AQP3: variants seen among roughly 807,000 people sequenced by gnomAD.
AQP3 encodes aquaporin-3.
AQP3 carries 15 observed loss-of-function variants against 30.3 expected under a neutral mutation model. The ratio of observed to expected loss-of-function variants is 0.49; its 90% confidence interval spans 0.33 to 0.76. The LOEUF (loss-of-function observed/expected upper bound fraction) is 0.76, where lower values mean the gene tolerates loss of function less well. AQP3 is among the 30% of genes least tolerant of loss of function. The pLI is 0.02. For synonymous variants in AQP3, 153 were observed against 163.2 expected (o/e 0.94, Z 0.47); for missense variants, 272 against 384.8 (o/e 0.71, Z 2.45).
intron 1 of AQP3, among the ~76,000 whole-genome samples, chr9:33,445,910 T>C (rs1490227506): frequency 1.3e-5 from 2 of 152,180 alleles, no homozygotes; most frequent in Admixed American, 1.3e-4. Flanking sequence ...CTCACTGATA[T>C]CCAATACCTC....
In AQP3 at chr9:33,442,142, C is replaced by G; in HGVS notation, c.780G>C (p.Val260=). The part of the protein sequence containing the change: ...PLLGSIAGVF[V]YQLMIGCHLE... ...GGTGGCAGCCGATCATCAGCTGGTACACGAAGACACCCGCAATGGAGCCCA... is the reference window on the plus strand; with the variant it reads ...GGTGGCAGCCGATCATCAGCTGGTAGACGAAGACACCCGCAATGGAGCCCA... Residue 260 remains valine, a synonymous_variant, in exon 6 of 6, where the codon GTG becomes GTC. Coordinates refer to ENST00000297991, the MANE Select transcript of AQP3 (RefSeq NM_004925.5). The G allele has an allele frequency of 6.2e-7, 1 of 1,613,580 alleles. No homozygotes were observed. Among genetic ancestry groups the G allele is most frequent in the South Asian group, 1.1e-5 (1 of 91,086 alleles).
rs1826872676 is a variant in AQP3 at position 33,443,524 on chromosome 9, G to A, written c.236-66C>T. 3.2e-6 allele frequency: 5 copies of A among 1,573,616 alleles called. No individual in the cohort carries two copies. The East Asian group carries it at 1.2e-4, about 36-fold the overall frequency. On this transcript the variant is annotated intron_variant, in intron 2 of 5. Coordinates refer to ENST00000297991, the MANE Select transcript of AQP3 (RefSeq NM_004925.5). The surrounding 1 kb of genome is among the most constrained non-coding windows in gnomAD (Gnocchi z 5.0). The stretch of plus-strand genomic sequence containing the variant: ...CACAGTCGGCAGGCTAGGGTCCCCT[G>A]AGAAGGGGTGCAGAGAGGGGTTTCT...
Position 33,442,125 on chromosome 9 carries a change from CCGA to C in AQP3, c.794_796del (p.Ile265_Gly266delinsSer), listed in dbSNP as rs1383817907. The C allele has an allele frequency of 6.2e-7, 1 of 1,613,492 alleles. No homozygotes were observed. Among genetic ancestry groups the C allele is most frequent in the African/African-American group, 1.3e-5 (1 of 74,888 alleles). On this transcript the variant is annotated inframe_deletion, in exon 6 of 6. Transcript: ENST00000297991. ...GGGTGGGGGCTGCTCCAGGTGGCAG[CCGA>C]TCATCAGCTGGTACACGAAGACACC...
chr9:33,442,503 A>T lies in AQP3; in HGVS notation c.508T>A (p.Ser170Thr). ...ATGGCCAGCACACACACGATAAGGG[A>T]GGCTGTGCCTATGAACTGGGGAGTG... ...GFFDQFIGTA[S>T]LIVCVLAIVD... is the part of the protein sequence containing the mutation. Residue 170 changes from serine (S) to threonine (T), a missense_variant, in exon 5 of 6, where the codon TCC (serine) becomes ACC (threonine). By Grantham distance (58) the Ser-to-Thr change is moderately conservative. This residue lies in a region of AQP3 where 170 missense variants were observed against 286.4 expected (regional missense o/e 0.59). Transcript: ENST00000297991. 6.2e-7 allele frequency: 1 copy of T among 1,608,196 alleles called. No individual in the cohort carries two copies. The highest frequency in any genetic ancestry group is 1.3e-5 in the African/African-American group (1 of 75,010).
chr9:33,445,982 A>G (rs556281641), intron 1 of AQP3, among the ~76,000 whole-genome samples: 9 of 152,184 alleles, frequency 5.9e-5, no homozygotes, highest in Non-Finnish European at 1.2e-4. Flanking sequence ...GTGGTCTGGG[A>G]TAAGCCTGAT....
In AQP3 at chr9:33,442,130, CAT is replaced by C. The variant is rs1248364077; in HGVS notation, c.790_791del (p.Met264AspfsTer47). The C allele has an allele frequency of 6.2e-7, 1 of 1,613,510 alleles. No homozygotes were observed. The highest frequency in any genetic ancestry group is 1.3e-5 in the African/African-American group (1 of 74,920). On this transcript the variant is annotated frameshift_variant, in exon 6 of 6. Coordinates refer to ENST00000297991, the MANE Select transcript of AQP3 (RefSeq NM_004925.5). LOFTEE classifies it high-confidence loss of function. ...GGGGCTGCTCCAGGTGGCAGCCGAT[CAT>C]CAGCTGGTACACGAAGACACCCGCA... The part of the protein sequence containing the change: ...SIAGVFVYQL[M>X]IGCHLEQPPP...
Position 33,443,057 on chromosome 9 carries a change from G to T in AQP3, c.374-87C>A. 1 of 1,297,270 alleles carries T rather than the reference G, an allele frequency of 7.7e-7. No individual in the cohort carries two copies. Among genetic ancestry groups the T allele is most frequent in the Non-Finnish European group, 1.1e-6 (1 of 895,284 alleles). The allele number at this position is 1,297,270 out of a possible 1,614,324, so 80.4% of individuals were successfully genotyped here. A position where few individuals can be genotyped will look rare whatever the true frequency, so the allele number is the denominator to read the frequency against. ...AGGTGTGCCCTCCCCACCCTCCCAT[G>T]AGTTATGGGTAAGTAGCAATACTGC... On this transcript the variant is annotated intron_variant, in intron 3 of 5. Coordinates refer to ENST00000297991, the MANE Select transcript of AQP3 (RefSeq NM_004925.5). The surrounding 1 kb of genome is among the most constrained non-coding windows in gnomAD (Gnocchi z 5.0).
rs941195057 is a variant in AQP3, at chr9:33,442,476, C to G, written c.535G>C (p.Val179Leu). Residue 179 changes from valine to leucine, a missense_variant, in exon 5 of 6, where the codon GTT becomes CTT. Physicochemically the swap from Val to Leu is conservative, Grantham distance 32 (BLOSUM62 1). Transcript: ENST00000297991. ...GGGACGGGGTTGTTGTAGGGGTCAA[C>G]AATGGCCAGCACACACACGATAAGG... ...ASLIVCVLAIVDPYNNPVPRG... is the reference protein window; with the variant it reads ...ASLIVCVLAILDPYNNPVPRG... The G allele has an allele frequency of 6.2e-7, 1 of 1,611,070 alleles. No homozygotes were observed. Among genetic ancestry groups the G allele is most frequent in the Non-Finnish European group, 8.5e-7 (1 of 1,179,158 alleles).
In AQP3 at chr9:33,443,489, T is replaced by G. The variant is rs767205817; in HGVS notation, c.236-31A>C. On this transcript the variant is annotated intron_variant, in intron 2 of 5. Transcript: ENST00000297991. The surrounding 1 kb of genome is among the most constrained non-coding windows in gnomAD (Gnocchi z 5.0). ...CAGAGGGGACAAGGGACCTATTAGCTGCAGCCTGCCACAGTCGGCAGGCTA... is the reference window on the plus strand; with the variant it reads ...CAGAGGGGACAAGGGACCTATTAGCGGCAGCCTGCCACAGTCGGCAGGCTA... 2 of 1,606,942 alleles carry G rather than the reference T, an allele frequency of 1.2e-6. No homozygotes were observed. The highest frequency in any genetic ancestry group is 3.4e-5 in the Admixed American group (2 of 58,918).
chr9:33,442,456 G>T lies in AQP3; in HGVS notation c.555C>A (p.Pro185=). ...VLAIVDPYNN[P]VPRGLEAFTV... is the part of the protein sequence containing the mutation. ...TGAAGGCCTCCAGGCCTCGGGGGAC[G>T]GGGTTGTTGTAGGGGTCAACAATGG... The change falls in exon 5 of 6, where the codon CCC becomes CCA. Residue 185 remains proline (P), a synonymous_variant. Transcript: ENST00000297991. The T allele has an allele frequency of 6.2e-7, 1 of 1,611,738 alleles. No individual in the cohort carries two copies.
chr9:33,444,636 TGTG>T (rs1195406776), intron 1 of AQP3, among the ~76,000 whole-genome samples: 1 of 148,704 alleles, frequency 6.7e-6, no homozygotes, highest in Non-Finnish European at 1.5e-5. Context: ...GAAAAGCTCA[TGTG>T]GTGGTGGTAG....
rs766825741 is a variant in AQP3 at position 33,443,899 on chromosome 9, GGAA to G, written c.109-10_109-8del. On this transcript the variant is annotated splice_polypyrimidine_tract_variant and splice_region_variant and intron_variant, in intron 1 of 5. Coordinates refer to ENST00000297991, the MANE Select transcript of AQP3 (RefSeq NM_004925.5). This position sits in a 1 kb window ranked among gnomAD's most constrained non-coding sequence, Gnocchi z 5.0. ...CGGAGCCACAGCCAAACATCTGTCA[GGAA>G]GAAGAACAGGCAGGGAGGGTGAGGA... 1.4e-4 allele frequency: 231 copies of G among 1,613,082 alleles called. No homozygotes were observed. The highest frequency in any genetic ancestry group is 8.4e-4 in the Middle Eastern group (5 of 5,964).
Position 33,442,211 on chromosome 9 carries a change from C to T in AQP3, c.711G>A (p.Thr237=), listed in dbSNP as rs867207823. 2.5e-6 allele frequency: 4 copies of T among 1,612,324 alleles called. No individual in the cohort carries two copies. The highest frequency in any genetic ancestry group is 2.5e-6 in the Non-Finnish European group (3 of 1,179,548). ...ALAGWGSAVF[T]TGQHWWWVPI... ...GCACCCACCACCAATGCTGGCCGGT[C>T]CTGGGGGGACAGACACTCATAGTCA... Residue 237 remains threonine, a splice_region_variant and synonymous_variant, in exon 6 of 6, where the codon ACG becomes ACA. Coordinates refer to ENST00000297991, the MANE Select transcript of AQP3 (RefSeq NM_004925.5).
chr9:33,447,242 G>A (rs994697842), intron 1 of AQP3, among the ~76,000 whole-genome samples, 181 bp downstream of exon 1: 7 of 152,240 alleles, frequency 4.6e-5, no homozygotes, highest in African/African-American at 1.4e-4. Flanking sequence ...CAGAGAGGGG[G>A]TTAGAACCGT....
Position 33,443,720 on chromosome 9 carries a change from G to A in AQP3, c.235+46C>T. The A allele has an allele frequency of 6.2e-7, 1 of 1,612,934 alleles. No individual in the cohort carries two copies. The highest frequency in any genetic ancestry group is 2.2e-5 in the East Asian group (1 of 44,874). ...TTAGGAATGCCAGGACACCTAGTGG[G>A]AATGCTATTGAGGGCCAAGGGCTGG... On this transcript the variant is annotated intron_variant, in intron 2 of 5. Coordinates refer to ENST00000297991, the MANE Select transcript of AQP3 (RefSeq NM_004925.5). This position sits in a 1 kb window ranked among gnomAD's most constrained non-coding sequence, Gnocchi z 5.0.
At chr9:33,445,676 C>T (rs1305903199) in intron 1 of AQP3, among the ~76,000 whole-genome samples, 1 of 152,196 alleles carries the variant, frequency 6.6e-6, no homozygotes, top group African/African-American at 2.4e-5. Flanking sequence ...GCTAATCTTC[C>T]TCTTCCTCCC....
At chr9:33,446,455 A>C (rs1361804816) in intron 1 of AQP3, among the ~76,000 whole-genome samples, 1 of 152,122 alleles carries the variant, frequency 6.6e-6, no homozygotes, top group African/African-American at 2.4e-5. Context: ...GGAGTAACCC[A>C]CTCACTGCAA....
rs980934311 is a variant in AQP3 at position 33,442,495 on chromosome 9, G to A, written c.516C>T (p.Ile172=). The change falls in exon 5 of 6, where the codon ATC becomes ATT. Residue 172 remains isoleucine, a synonymous_variant. Transcript: ENST00000297991. ...GGTCAACAATGGCCAGCACACACAC[G>A]ATAAGGGAGGCTGTGCCTATGAACT... The part of the protein sequence containing the change: ...FDQFIGTASL[I]VCVLAIVDPY... 5 of 1,609,180 alleles carry A rather than the reference G, an allele frequency of 3.1e-6. No homozygotes were observed. In the South Asian group the frequency reaches 3.3e-5, roughly 11 times the overall value.
chr9:33,442,883 T>C lies in AQP3; in HGVS notation c.461A>G (p.His154Arg). The C allele has an allele frequency of 1.2e-6, 2 of 1,614,148 alleles. No individual in the cohort carries two copies. Among genetic ancestry groups the C allele is most frequent in the Non-Finnish European group, 1.7e-6 (2 of 1,180,024 alleles). Reference sequence around the variant, plus strand: ...AAAGAAGCCATTGATCATATCCAAGTGTCCAGAGGGGTAGGTAGCAAAGAT... The same window carrying C: ...AAAGAAGCCATTGATCATATCCAAGCGTCCAGAGGGGTAGGTAGCAAAGAT... Reference protein sequence around the residue: ...AGIFATYPSGHLDMINGFFDQ... With the variant: ...AGIFATYPSGRLDMINGFFDQ... Residue 154 changes from histidine to arginine, a missense_variant, in exon 4 of 6, where the codon CAC becomes CGC. Physicochemically the swap from His to Arg is conservative, Grantham distance 29. This residue lies in a region of AQP3 where 170 missense variants were observed against 286.4 expected (regional missense o/e 0.59). Coordinates refer to ENST00000297991, the MANE Select transcript of AQP3 (RefSeq NM_004925.5).
Sources: gnomAD v4.1 joint callset for allele counts (sites outside exome capture counted in the v4.1 genomes callset) on GRCh38, gnomAD v4.1.1 for gene constraint, gnomAD v4.1.1 regional missense constraint, Gnocchi (gnomAD v3.1) non-coding constraint, MANE v1.5 for transcripts, NCBI Gene and HGNC (gene_info 2026-07-23, HGNC 2026-07-21) for gene names.